The following RNF144A variants were observed in gnomAD, a reference collection of about 807,000 sequenced individuals.
The protein encoded by RNF144A is E3 ubiquitin-protein ligase RNF144A.
Under a neutral mutation model 38.7 loss-of-function variants are expected in RNF144A, and 11 were observed. The ratio of observed to expected loss-of-function variants is 0.28; its 90% CI spans 0.18 to 0.47. RNF144A has a LOEUF of 0.47. RNF144A is among the 20% of genes least tolerant of loss of function. RNF144A has a pLI of 0.99. For missense variants in RNF144A, 316 were observed against 377.2 expected (o/e 0.84, Z 1.34); for synonymous variants, 149 against 143.9 (o/e 1.04, Z -0.25).
chr2:7,012,101 A>G (rs1394170402), intron 3 of RNF144A, among the ~76,000 whole-genome samples: 1 of 152,188 alleles, frequency 6.6e-6, no homozygotes, highest in Non-Finnish European at 1.5e-5. Context: ...AGTCTTCAGC[A>G]TCGTATATTG....
At chr2:6,922,561 T>G (rs1664602038) in intron 1 of RNF144A, among the ~76,000 whole-genome samples, 1 of 151,938 alleles carries the variant, frequency 6.6e-6, no homozygotes. Context: ...GAGTGCAGAA[T>G]GCAGCAAGCT....
chr2:7,014,793 C>T lies in RNF144A; in HGVS notation c.301+21C>T, dbSNP rs200759962. ...AAGAGGTAGGTGCCTGGTATATCTG[C>T]CGGTTATGATTCCTGTAATGTGTGA... On this transcript the variant is annotated intron_variant, in intron 5 of 8. Transcript: ENST00000320892. The T allele has an allele frequency of 6.1e-4, 947 of 1,560,694 alleles. 3 individuals carry two copies. Among genetic ancestry groups the T allele is most frequent in the Non-Finnish European group, 4.3e-4 (486 of 1,133,398 alleles).
At chr2:6,933,589 A>G (rs1053545370) in intron 1 of RNF144A, among the ~76,000 whole-genome samples, 3 of 152,228 alleles carry the variant, frequency 2.0e-5, no homozygotes, top group Non-Finnish European at 4.4e-5. Context: ...ATTTAAAGTT[A>G]TAAATGCAGA....
At position 7,056,642 on chromosome 2, in the gene RNF144A, C is replaced by T. The variant is rs569231803; in HGVS notation, c.735-11574C>T. 5.9e-5 allele frequency among the ~76,000 whole-genome samples: 9 copies of T among 152,168 alleles called. No individual in the cohort carries two copies. In the South Asian group the frequency reaches 8.3e-4, roughly 14 times the overall value. The stretch of plus-strand genomic sequence containing the variant: ...ACTTTTCGGGTTTTCAATATCCTCC[C>T]AATGGCATTTCCTGCTGCTGCCCTC... On this transcript the variant is annotated intron_variant, in intron 6 of 6. Transcript: ENST00000432850.
At chr2:6,951,019 T>C (rs76427476) in intron 2 of RNF144A, among the ~76,000 whole-genome samples, 3,052 of 152,320 alleles carry the variant, frequency 0.02, 99 homozygotes, top group African/African-American at 0.07. Flanking sequence ...TTTAACATGC[T>C]GACTATATCA....
At chr2:7,019,484 C>T (rs1320737740) in intron 5 of RNF144A, among the ~76,000 whole-genome samples, 1 of 152,180 alleles carries the variant, frequency 6.6e-6, no homozygotes, top group East Asian at 1.9e-4. Flanking sequence ...TTCAAGTCGT[C>T]TCTGAAACTC....
chr2:6,969,298 G>T (rs1667855778), intron 2 of RNF144A, among the ~76,000 whole-genome samples: 2 of 152,230 alleles, frequency 1.3e-5, no homozygotes, highest in Non-Finnish European at 2.9e-5. Flanking sequence ...GTTTAAATTA[G>T]GTCATTGAGG....
intron 1 of RNF144A, among the ~76,000 whole-genome samples, chr2:6,920,801 G>A (rs1459303091): frequency 2.0e-5 from 3 of 152,176 alleles, no homozygotes; most frequent in Admixed American, 6.5e-5. Flanking sequence ...TTAGTTAGAT[G>A]AAGAAATTAA....
At chr2:6,993,772 T>A (rs759222033) in intron 2 of RNF144A, among the ~76,000 whole-genome samples, 1 of 152,218 alleles carries the variant, frequency 6.6e-6, no homozygotes, top group Admixed American at 6.5e-5. Context: ...AATTTCACCA[T>A]ATGATATCTC....
At chr2:6,924,209 CAG>C (rs1239783125) in intron 1 of RNF144A, among the ~76,000 whole-genome samples, 6 of 152,198 alleles carry the variant, frequency 3.9e-5, no homozygotes, top group Non-Finnish European at 8.8e-5. Flanking sequence ...GCCTGGAATG[CAG>C]AGAGAGAATC....
chr2:6,996,923 T>C lies in RNF144A; in HGVS notation c.-4T>C. The C allele has an allele frequency of 6.2e-7, 1 of 1,613,492 alleles. No homozygotes were observed. The highest frequency in any genetic ancestry group is 8.5e-7 in the Non-Finnish European group (1 of 1,179,826). ...GTGCTTCTCTCGTTTCAGACTGTTCTGCGATGACCACAACAAGGTACCGGC... is the reference window on the plus strand; with the variant it reads ...GTGCTTCTCTCGTTTCAGACTGTTCCGCGATGACCACAACAAGGTACCGGC... On this transcript the variant is annotated 5_prime_UTR_variant, in exon 3 of 9. Coordinates refer to ENST00000320892, the MANE Select transcript of RNF144A (RefSeq NM_014746.6).
intron 3 of RNF144A, among the ~76,000 whole-genome samples, chr2:6,998,448 G>C (rs1669900064): frequency 6.6e-6 from 1 of 152,188 alleles, no homozygotes; most frequent in Non-Finnish European, 1.5e-5. Context: ...TGTGTCTTCT[G>C]TTTCTTGTTT....
At chr2:6,922,309 G>A (rs2103267818) in intron 1 of RNF144A, among the ~76,000 whole-genome samples, 1 of 152,316 alleles carries the variant, frequency 6.6e-6, no homozygotes, top group African/African-American at 2.4e-5. Context: ...GGGGGCTTCT[G>A]CCTATGGGAG....
chr2:7,034,227 G>A (rs1410766341), intron 8 of RNF144A, among the ~76,000 whole-genome samples: 3 of 151,742 alleles, frequency 2.0e-5, no homozygotes, highest in South Asian at 2.1e-4. Flanking sequence ...ATCCAAGATC[G>A]TGCCACTGCA....
chr2:7,012,960 T>C (rs980775619), intron 3 of RNF144A, among the ~76,000 whole-genome samples: 2 of 152,188 alleles, frequency 1.3e-5, no homozygotes, highest in African/African-American at 4.8e-5. Context: ...CAGGGTTCAG[T>C]GTGGAGCCAC....
At chr2:7,048,034 C>T (rs1450952092), downstream of RNF144A, among the ~76,000 whole-genome samples, 2 of 152,144 alleles carry the variant, frequency 1.3e-5, no homozygotes, top group East Asian at 3.9e-4. Flanking sequence ...GGGTGGTTTC[C>T]TTTCTGTTCC....
intron 2 of RNF144A, among the ~76,000 whole-genome samples, chr2:6,946,457 TA>T (rs1361598515): frequency 3.9e-5 from 6 of 152,074 alleles, no homozygotes; most frequent in African/African-American, 1.4e-4. Context: ...CTCAGTGCTT[TA>T]AAAATTATTT....
chr2:7,064,603 G>A (rs1282115877), intron 6 of RNF144A, among the ~76,000 whole-genome samples: 1 of 152,128 alleles, frequency 6.6e-6, no homozygotes, highest in Admixed American at 6.5e-5. Flanking sequence ...AGAGTTCTGT[G>A]GTTTCAGTCA....
At chr2:7,020,981 T>C (rs1671492286) in intron 6 of RNF144A, among the ~76,000 whole-genome samples, 1 of 152,196 alleles carries the variant, frequency 6.6e-6, no homozygotes, top group African/African-American at 2.4e-5. Flanking sequence ...CTTTTAAAGG[T>C]TGCAAGTCCT....
Sources: gnomAD v4.1 joint callset for allele counts (sites outside exome capture counted in the v4.1 genomes callset) on GRCh38, gnomAD v4.1.1 for gene constraint, MANE v1.5 for transcripts, NCBI Gene and HGNC (gene_info 2026-07-23, HGNC 2026-07-21) for gene names.